The following PARD3B variants were observed in gnomAD, a reference collection of about 807,000 sequenced individuals.
The protein encoded by PARD3B is par-3 family cell polarity regulator beta, also known as partitioning defective 3 homolog B.
Under a neutral mutation model 130.2 loss-of-function variants are expected in PARD3B, and 103 were observed. That is an observed-to-expected ratio of 0.79 (90% CI 0.67 to 0.93). PARD3B has a LOEUF of 0.93. Ranked by LOEUF, PARD3B falls within the 40% of genes least tolerant of loss-of-function variation. PARD3B has a pLI of 0.00. For synonymous variants in PARD3B, 583 were observed against 553.2 expected (o/e 1.05, Z -0.76); for missense variants, 1,609 against 1,499.2 (o/e 1.07, Z -1.21).
chr2:205,334,520 C>T (rs567887075), intron 18 of PARD3B, among the ~76,000 whole-genome samples: 2 of 152,240 alleles, frequency 1.3e-5, no homozygotes, highest in South Asian at 4.1e-4. Context: ...CCAAAAATAA[C>T]ATTGTAACCT....
intron 15 of PARD3B, among the ~76,000 whole-genome samples, chr2:205,204,541 T>A (rs1046904670): frequency 6.6e-6 from 1 of 152,224 alleles, no homozygotes; most frequent in East Asian, 1.9e-4. Flanking sequence ...GTGAGCTGAA[T>A]GGTATTGCCT....
chr2:204,880,255 A>G (rs1445777014), intron 2 of PARD3B, among the ~76,000 whole-genome samples: 1 of 152,162 alleles, frequency 6.6e-6, no homozygotes, highest in Non-Finnish European at 1.5e-5. Context: ...TCTGTCTTTG[A>G]CTAATTGCCA....
intron 4 of PARD3B, among the ~76,000 whole-genome samples, chr2:205,102,708 A>AT (rs920082195): frequency 1.8e-4 from 27 of 152,128 alleles, no homozygotes; most frequent in Admixed American, 3.9e-4. Context: ...AGTGAGAGAC[A>AT]TTTTTTTTAA....
chr2:205,029,274 C>T (rs1005456656), intron 3 of PARD3B, among the ~76,000 whole-genome samples: 1 of 152,078 alleles, frequency 6.6e-6, no homozygotes, highest in Non-Finnish European at 1.5e-5. Flanking sequence ...CACCATCACC[C>T]TCTACTCACA....
At chr2:205,432,276 C>A (rs2047364262) in intron 19 of PARD3B, among the ~76,000 whole-genome samples, 1 of 152,188 alleles carries the variant, frequency 6.6e-6, no homozygotes, top group Admixed American at 6.5e-5. Context: ...TTTTCTCTCA[C>A]CCAGAAATGC....
chr2:205,578,070 T>G (rs2106562611), intron 22 of PARD3B, among the ~76,000 whole-genome samples: 1 of 152,304 alleles, frequency 6.6e-6, no homozygotes, highest in Non-Finnish European at 1.5e-5. Context: ...CTTTAGCTAC[T>G]TGTAGCCTGT....
intron 1 of PARD3B, among the ~76,000 whole-genome samples, chr2:204,661,336 C>G (rs967030171): frequency 1.3e-5 from 2 of 152,066 alleles, no homozygotes; most frequent in African/African-American, 4.8e-5. Flanking sequence ...CTTGTGTTTC[C>G]CACCTGCTGA....
chr2:204,670,643 A>G (rs1023253285), intron 1 of PARD3B, among the ~76,000 whole-genome samples: 1 of 152,182 alleles, frequency 6.6e-6, no homozygotes, highest in African/African-American at 2.4e-5. Context: ...TTTTATAGCT[A>G]TAACTCAAGC....
Position 205,122,478 on chromosome 2 carries a change from T to A in PARD3B, c.1165+529T>A, listed in dbSNP as rs1047391406. ...TATAATATTTTCTTTCTTCATCTTTTTCAACTTTTCTATCCATTTCAAGCA... is the reference window on the plus strand; with the variant it reads ...TATAATATTTTCTTTCTTCATCTTTATCAACTTTTCTATCCATTTCAAGCA... On this transcript the variant is annotated intron_variant, in intron 8 of 22. Transcript: ENST00000406610. The surrounding 1 kb of genome is among the most constrained non-coding windows in gnomAD (Gnocchi z 4.3). 2.0e-5 allele frequency among the ~76,000 whole-genome samples: 3 copies of A among 152,216 alleles called. No individual in the cohort carries two copies. The highest frequency in any genetic ancestry group is 7.2e-5 in the African/African-American group (3 of 41,460).
At chr2:204,931,609 T>G (rs1448116864) in intron 2 of PARD3B, among the ~76,000 whole-genome samples, 1 of 151,952 alleles carries the variant, frequency 6.6e-6, no homozygotes, top group Non-Finnish European at 1.5e-5. Flanking sequence ...TTTTTTTTTT[T>G]TCTCCTAAGG....
chr2:204,876,404 A>G (rs940707744), intron 2 of PARD3B, among the ~76,000 whole-genome samples: 2 of 152,168 alleles, frequency 1.3e-5, no homozygotes, highest in Non-Finnish European at 2.9e-5. Flanking sequence ...TCCACTGTTC[A>G]TCATGTAATT....
chr2:205,591,156 G>A lies in PARD3B; in HGVS notation c.3261-24300G>A, dbSNP rs1296681499. Among the ~76,000 whole-genome samples the A allele has an allele frequency of 2.0e-5, 3 of 151,808 alleles. No homozygotes were observed. The highest frequency in any genetic ancestry group is 2.0e-4 in the Admixed American group (3 of 15,224). On this transcript the variant is annotated intron_variant, in intron 22 of 22. Transcript: ENST00000406610. This position sits in a 1 kb window ranked among gnomAD's most constrained non-coding sequence, Gnocchi z 4.2. ...GTGACATCAATGTAGACCCACCAAG[G>A]AGTAGCAGTTAGACATCTAGAATAT...
intron 3 of PARD3B, among the ~76,000 whole-genome samples, chr2:204,986,332 C>T (rs1021419870): frequency 1.2e-4 from 18 of 152,110 alleles, no homozygotes; most frequent in African/African-American, 4.3e-4. Context: ...CTGAATTATC[C>T]TTCTTCAAAA....
intron 2 of PARD3B, among the ~76,000 whole-genome samples, chr2:204,765,176 G>A (rs369786244): frequency 1.1e-4 from 16 of 152,296 alleles, no homozygotes; most frequent in African/African-American, 3.6e-4. Flanking sequence ...TCACTGAGCA[G>A]ATGGTGACTG....
rs114113459 is a variant in PARD3B at position 205,083,560 on chromosome 2, T to C, written c.505-20866T>C. ...TTGTGCCTCTTCTCTTTCATTTCTT[T>C]ATGTTTATCAGTCTTACCATTGACT... is the stretch of plus-strand genomic sequence containing the variant. On this transcript the variant is annotated intron_variant, in intron 4 of 22. Transcript: ENST00000406610. Among the ~76,000 whole-genome samples the C allele has an allele frequency of 4.5e-3, 681 of 152,180 alleles. 4 individuals carry two copies. Among genetic ancestry groups the C allele is most frequent in the African/African-American group, 0.015 (625 of 41,560 alleles).
intron 2 of PARD3B, among the ~76,000 whole-genome samples, chr2:204,719,624 T>C (rs1301119336): frequency 6.6e-6 from 1 of 152,208 alleles, no homozygotes; most frequent in African/African-American, 2.4e-5. Context: ...TACCAAACTT[T>C]GGTTTTCCTT....
chr2:204,936,512 C>G (rs1024772149), intron 2 of PARD3B, among the ~76,000 whole-genome samples: 2 of 152,158 alleles, frequency 1.3e-5, no homozygotes, highest in African/African-American at 4.8e-5. Flanking sequence ...CATAGGATGG[C>G]AAGTACTGCT....
chr2:204,546,228 C>T (rs2029925355), intron 1 of PARD3B, 109 bp downstream of exon 1: 3 of 1,414,042 alleles, frequency 2.1e-6, no homozygotes, highest in Admixed American at 4.1e-5. Flanking sequence ...TTATGGGGCA[C>T]TGCCTGTAGC....
chr2:205,327,882 G>A (rs559908250), intron 18 of PARD3B, among the ~76,000 whole-genome samples: 3 of 152,228 alleles, frequency 2.0e-5, no homozygotes, highest in South Asian at 4.1e-4. Context: ...TCATGGAGAG[G>A]CATAACTCAG....
Sources: allele counts gnomAD v4.1 joint callset (sites outside exome capture counted in the v4.1 genomes callset), GRCh38; gene constraint gnomAD v4.1.1; non-coding constraint Gnocchi (gnomAD v3.1); transcripts MANE v1.5; gene names NCBI Gene and HGNC (gene_info 2026-07-23, HGNC 2026-07-21).